The following TSHZ2 variants were observed in gnomAD, a reference collection of about 807,000 sequenced individuals.
The protein encoded by TSHZ2 is teashirt zinc finger homeobox 2, also known as teashirt homolog 2.
Under a neutral mutation model 74.4 loss-of-function variants are expected in TSHZ2, and 21 were observed. The observed-to-expected ratio is 0.28, with a 90% confidence interval of 0.20 to 0.41. The LOEUF (loss-of-function observed/expected upper bound fraction) is 0.41. Ranked by LOEUF, TSHZ2 falls within the 10% of genes least tolerant of loss-of-function variation. TSHZ2 has a pLI of 1.00. For missense variants in TSHZ2, 1,244 were observed against 1,293.5 expected (o/e 0.96, Z 0.59); for synonymous variants, 540 against 515.3 (o/e 1.05, Z -0.65).
At chr20:53,333,613 G>T (rs993659916) in intron 2 of TSHZ2, among the ~76,000 whole-genome samples, 1 of 152,022 alleles carries the variant, frequency 6.6e-6, no homozygotes, top group Non-Finnish European at 1.5e-5. Flanking sequence ...CCACCACCAC[G>T]CCTGGCTAAT....
At chr20:53,324,352 T>C (rs1406075238) in intron 2 of TSHZ2, among the ~76,000 whole-genome samples, 1 of 152,032 alleles carries the variant, frequency 6.6e-6, no homozygotes, top group Non-Finnish European at 1.5e-5. Flanking sequence ...AGTTTCCTTT[T>C]CTACTTTTTG....
At chr20:53,253,472 G>C (rs780933014) in intron 1 of TSHZ2, 27 bp from the exon 2 acceptor site, 1 of 1,566,452 alleles carries the variant, frequency 6.4e-7, no homozygotes, top group Admixed American at 1.9e-5. Context: ...TGTTACTGTC[G>C]TTTCATCTCT....
At chr20:53,469,642 A>AAGGGAGGG (rs1985710008) in intron 2 of TSHZ2, among the ~76,000 whole-genome samples, 1 of 58,332 alleles carries the variant, frequency 1.7e-5, no homozygotes, top group Non-Finnish European at 3.5e-5. Flanking sequence ...GGGAGGAAGG[A>AAGGGAGGG]AGGAAGGAAG....
intron 2 of TSHZ2, among the ~76,000 whole-genome samples, chr20:53,312,005 C>G (rs1229585449): frequency 6.6e-6 from 1 of 152,042 alleles, no homozygotes; most frequent in African/African-American, 2.4e-5. Flanking sequence ...CATTTGAGCC[C>G]AGGAAGTTGA....
intron 2 of TSHZ2, among the ~76,000 whole-genome samples, chr20:53,432,420 T>A (rs566868220): frequency 3.3e-5 from 5 of 152,372 alleles, no homozygotes; most frequent in Admixed American, 2.0e-4. Context: ...TTGTGAATTA[T>A]GCTGTGATAA....
rs751886852 is a variant in TSHZ2, at chr20:53,494,362, CT to C, written c.*7229del. On this transcript the variant is annotated 3_prime_UTR_variant, in exon 3 of 3. Coordinates refer to ENST00000371497, the MANE Select transcript of TSHZ2 (RefSeq NM_173485.6). ...CCTGTGGTGCCACCATCCTGTCCTCCTTCGTAATCATGAACAATCTGATCTT... is the reference window on the plus strand; with the variant it reads ...CCTGTGGTGCCACCATCCTGTCCTCCTCGTAATCATGAACAATCTGATCTT... 1 of 151,956 alleles carries C rather than the reference CT, an allele frequency of 6.6e-6. No individual in the cohort carries two copies. The highest frequency in any genetic ancestry group is 1.5e-5 in the Non-Finnish European group (1 of 68,014). 9.4% of individuals were successfully genotyped at this position (151,956 alleles called of 1,614,324 possible).
rs150725485 is a variant in TSHZ2 at position 53,389,343 on chromosome 20, A to T, written c.*9-97801A>T. ...ATGTGTAGTTTTCACTTAAGCCCGG[A>T]CTCGAAGCTCAACTCCTACACGATT... On this transcript the variant is annotated intron_variant, in intron 2 of 2. Transcript: ENST00000371497. Among the ~76,000 whole-genome samples, 153 of 152,234 alleles carry T rather than the reference A, an allele frequency of 1.0e-3. 1 individual carries two copies. The East Asian group carries it at 0.025, about 25-fold the overall frequency.
intron 2 of TSHZ2, among the ~76,000 whole-genome samples, chr20:53,264,836 A>T (rs938789641): frequency 1.6e-4 from 25 of 152,232 alleles, no homozygotes; most frequent in African/African-American, 5.8e-4. Context: ...AGATGGGCAG[A>T]CAAAAAGTGT....
chr20:52,991,946 C>T (rs1160533438), intron 1 of TSHZ2, among the ~76,000 whole-genome samples: 1 of 152,206 alleles, frequency 6.6e-6, no homozygotes, highest in African/African-American at 2.4e-5. Context: ...ATGAAGCCGA[C>T]GTCACAGTGT....
intron 2 of TSHZ2, among the ~76,000 whole-genome samples, chr20:53,310,253 C>A (rs1410082898): frequency 1.3e-5 from 2 of 152,126 alleles, no homozygotes; most frequent in East Asian, 3.9e-4. Context: ...AGAATTAGAA[C>A]CAAATGACCC....
intron 1 of TSHZ2, among the ~76,000 whole-genome samples, chr20:53,061,888 A>G (rs1197417455): frequency 1.3e-5 from 2 of 152,206 alleles, no homozygotes; most frequent in African/African-American, 2.4e-5. Context: ...AAGGTTAACA[A>G]TCTTCAAGTT....
Position 53,457,033 on chromosome 20 carries a change from C to T in TSHZ2, c.*9-30111C>T, listed in dbSNP as rs1445923395. ...TTCTTTTGGCTTAGGATTGCCTTGGCGATGCGGGCTCTTTTTTGGTTCCAT... is the reference window on the plus strand; with the variant it reads ...TTCTTTTGGCTTAGGATTGCCTTGGTGATGCGGGCTCTTTTTTGGTTCCAT... On this transcript the variant is annotated intron_variant, in intron 2 of 2. Coordinates refer to ENST00000371497, the MANE Select transcript of TSHZ2 (RefSeq NM_173485.6). Among the ~76,000 whole-genome samples, 170 of 73,080 alleles carry T rather than the reference C, an allele frequency of 2.3e-3. 1 individual carries two copies. The highest frequency in any genetic ancestry group is 9.4e-3 in the Middle Eastern group (2 of 212). The allele number at this position is 73,080 out of a possible 152,430, so 47.9% of individuals were successfully genotyped here. A position where few individuals can be genotyped will look rare whatever the true frequency, so the allele number is the denominator to read the frequency against.
chr20:53,442,358 C>T (rs564223715), intron 2 of TSHZ2, among the ~76,000 whole-genome samples: 2 of 152,270 alleles, frequency 1.3e-5, no homozygotes, highest in East Asian at 3.9e-4. Context: ...CACTTTCCCC[C>T]TCCTCTTCCC....
intron 2 of TSHZ2, among the ~76,000 whole-genome samples, chr20:53,438,584 G>C (rs1485316491): frequency 6.6e-6 from 1 of 152,202 alleles, no homozygotes; most frequent in East Asian, 1.9e-4. Context: ...TGGGTCACAT[G>C]CCCAGCCCTG....
At chr20:53,079,301 G>C (rs1985458593) in intron 1 of TSHZ2, among the ~76,000 whole-genome samples, 1 of 152,178 alleles carries the variant, frequency 6.6e-6, no homozygotes, top group Non-Finnish European at 1.5e-5. Context: ...CCAATGGGAG[G>C]AGAAGCCAGA....
intron 1 of TSHZ2, among the ~76,000 whole-genome samples, chr20:53,058,648 C>A (rs1984723163): frequency 6.6e-6 from 1 of 152,172 alleles, no homozygotes. Context: ...GGACTAAAGC[C>A]CCAAGTACAT....
chr20:53,395,514 A>G (rs1982414286), intron 2 of TSHZ2, among the ~76,000 whole-genome samples: 1 of 152,232 alleles, frequency 6.6e-6, no homozygotes, highest in Admixed American at 6.5e-5. Context: ...TAAATAATGC[A>G]AAAATTATTA....
At chr20:53,080,246 T>C (rs1286013359) in intron 1 of TSHZ2, among the ~76,000 whole-genome samples, 1 of 152,176 alleles carries the variant, frequency 6.6e-6, no homozygotes, top group Non-Finnish European at 1.5e-5. Context: ...TTGTGAATAG[T>C]AACACCATTT....
intron 2 of TSHZ2, among the ~76,000 whole-genome samples, chr20:53,337,271 C>T (rs572595619): frequency 2.0e-5 from 3 of 152,306 alleles, no homozygotes; most frequent in African/African-American, 7.2e-5. Flanking sequence ...GGACTTTCAT[C>T]ACATCTAGAA....
Sources: allele counts gnomAD v4.1 joint callset (sites outside exome capture counted in the v4.1 genomes callset), GRCh38; gene constraint gnomAD v4.1.1; transcripts MANE v1.5; gene names NCBI Gene and HGNC (gene_info 2026-07-23, HGNC 2026-07-21).